AP2A2: variants seen among roughly 807,000 people sequenced by gnomAD.
The protein encoded by AP2A2 is adaptor related protein complex 2 subunit alpha 2, also known as AP-2 complex subunit alpha-2.
A neutral mutation model predicts 104.2 loss-of-function variants in AP2A2; 32 were observed. The observed-to-expected ratio is 0.31, with a 90% CI of 0.23 to 0.41. The LOEUF (loss-of-function observed/expected upper bound fraction) is 0.41. Among genes scored for constraint, AP2A2 ranks in the 10% least tolerant of loss-of-function variants. The probability of loss-of-function intolerance (pLI) is 1.00; values close to 1 mark genes in which losing one functional copy is unlikely to be tolerated. For missense variants in AP2A2, 912 were observed against 1,261.0 expected, an observed-to-expected ratio of 0.72 and a Z score of 4.19; for synonymous variants, 539 against 533.3, an observed-to-expected ratio of 1.01 and a Z score of -0.15.
intron 1 of AP2A2, among the ~76,000 whole-genome samples, chr11:934,886 T>C (rs899718597): frequency 3.3e-5 from 5 of 150,636 alleles, no homozygotes; most frequent in African/African-American, 4.9e-5. Context: ...GGAGATGGAG[T>C]CTCATTCTCT....
chr11:950,530 G>T lies in AP2A2; in HGVS notation c.68-8907G>T, dbSNP rs780117471. On this transcript the variant is annotated intron_variant, in intron 1 of 21. Transcript: ENST00000448903. ...TTGCCGTGTTGGCCAAACGCCATTCGCTTGCCTCGGCTTCCCAAAGTGCTG... is the reference window on the plus strand; with the variant it reads ...TTGCCGTGTTGGCCAAACGCCATTCTCTTGCCTCGGCTTCCCAAAGTGCTG... Among the ~76,000 whole-genome samples, 4 of 151,760 alleles carry T rather than the reference G, an allele frequency of 2.6e-5. No individual in the cohort carries two copies. In the East Asian group the frequency reaches 7.7e-4, roughly 29 times the overall value.
intron 1 of AP2A2, among the ~76,000 whole-genome samples, chr11:947,381 A>C (rs1211860936): frequency 6.6e-6 from 1 of 152,230 alleles, no homozygotes; most frequent in Non-Finnish European, 1.5e-5. Context: ...TATAACATAT[A>C]AAGGTGTGAT....
In AP2A2 at chr11:992,644, C is replaced by T. The variant is rs751648415; in HGVS notation, c.1411C>T (p.Arg471Trp). 2.4e-5 allele frequency: 38 copies of T among 1,613,772 alleles called. No homozygotes were observed. The highest frequency in any genetic ancestry group is 6.7e-5 in the Admixed American group (4 of 59,992). ...WYRVIQIVIN[R>W]DDVQGYAAKT... Reference sequence around the variant, plus strand: ...CCGAGTCATTCAGATCGTCATCAACCGGGACGACGTGCAGGGCTACGCGGC... The same window carrying T: ...CCGAGTCATTCAGATCGTCATCAACTGGGACGACGTGCAGGGCTACGCGGC... Residue 471 changes from arginine to tryptophan, a missense_variant, in exon 11 of 22, where the codon CGG (arginine) becomes TGG (tryptophan). By Grantham distance (101) the Arg-to-Trp change is moderately radical. Around this residue, in one of 7 missense-constraint regions of AP2A2, gnomAD observed 21 missense variants for 62.0 expected, o/e 0.34. Coordinates refer to ENST00000448903, the MANE Select transcript of AP2A2 (RefSeq NM_012305.4). This position sits in a 1 kb window ranked among gnomAD's most constrained non-coding sequence, Gnocchi z 6.4.
At chr11:965,536 T>C (rs1302602257) in intron 2 of AP2A2, among the ~76,000 whole-genome samples, 1 of 152,220 alleles carries the variant, frequency 6.6e-6, no homozygotes, top group Non-Finnish European at 1.5e-5. Context: ...TTCATGTCAG[T>C]CCCAACTTTG....
chr11:960,227 C>A (rs1854382188), intron 2 of AP2A2, among the ~76,000 whole-genome samples: 1 of 149,044 alleles, frequency 6.7e-6, no homozygotes, highest in Admixed American at 7.0e-5. Context: ...GAATGGATAT[C>A]CAGTAGTTTC....
Position 959,818 on chromosome 11 carries a change from C to T in AP2A2, c.136+313C>T, listed in dbSNP as rs570051066. ...GGACAGACACCAAGTACGGGAAGTG[C>T]TCTGTGTAAGGCGCCACCGAACGCC... On this transcript the variant is annotated intron_variant, in intron 2 of 21. Coordinates refer to ENST00000448903, the MANE Select transcript of AP2A2 (RefSeq NM_012305.4). Among the ~76,000 whole-genome samples the T allele has an allele frequency of 3.9e-4, 59 of 152,136 alleles. 1 individual carries two copies. Among genetic ancestry groups the T allele is most frequent in the South Asian group, 2.5e-3 (12 of 4,788 alleles).
chr11:947,800 A>T (rs1369243892), intron 1 of AP2A2, among the ~76,000 whole-genome samples: 1 of 37,802 alleles, frequency 2.6e-5, no homozygotes, highest in Non-Finnish European at 7.2e-5. Flanking sequence ...CCGTCTCTAC[A>T]AAAAAAAATT....
Position 968,795 on chromosome 11 carries a change from A to T in AP2A2, c.137-1374A>T, listed in dbSNP as rs1398336314. ...CAGATAAGTGGGTCGGGGCCGGGGG[A>T]GGGAGGAACCAGGTCGGGTCTGCTT... On this transcript the variant is annotated intron_variant, in intron 2 of 21. Transcript: ENST00000448903. This position sits in a 1 kb window ranked among gnomAD's most constrained non-coding sequence, Gnocchi z 4.2. 6.7e-6 allele frequency among the ~76,000 whole-genome samples: 1 copy of T among 149,152 alleles called. No homozygotes were observed. The highest frequency in any genetic ancestry group is 2.5e-5 in the African/African-American group (1 of 40,354).
chr11:1,011,721 G>A lies in AP2A2; in HGVS notation c.*1096G>A. The A allele has an allele frequency of 3.0e-6, 1 of 333,722 alleles. No homozygotes were observed. The highest frequency in any genetic ancestry group is 6.0e-6 in the Non-Finnish European group (1 of 167,388). 20.7% of individuals were successfully genotyped at this position (333,722 alleles called of 1,614,324 possible). A position where few individuals can be genotyped will look rare whatever the true frequency, so the allele number is the denominator to read the frequency against. ...CACCCAGCACAGGTTCTGGCTTCCT[G>A]ACATGCTGTGGAGGCAGGGAGGGTG... On this transcript the variant is annotated 3_prime_UTR_variant, in exon 22 of 22. Coordinates refer to ENST00000448903, the MANE Select transcript of AP2A2 (RefSeq NM_012305.4).
At chr11:977,350 G>A (rs1855081003) in intron 5 of AP2A2, 126 bp downstream of exon 5, 1 of 1,281,522 alleles carries the variant, frequency 7.8e-7, no homozygotes, top group Non-Finnish European at 1.1e-6. Flanking sequence ...TGCTGTGGCT[G>A]CGTGCTGAGG....
At chr11:967,926 A>G (rs1854677595) in intron 2 of AP2A2, among the ~76,000 whole-genome samples, 1 of 152,180 alleles carries the variant, frequency 6.6e-6, no homozygotes, top group Non-Finnish European at 1.5e-5. Flanking sequence ...TACTAGAATA[A>G]AAAAGTAATT....
At chr11:1,001,090 C>G (rs1385383469) in intron 15 of AP2A2, among the ~76,000 whole-genome samples, 1 of 152,238 alleles carries the variant, frequency 6.6e-6, no homozygotes, top group Non-Finnish European at 1.5e-5. Context: ...CCTGCTCACG[C>G]CTTCGGCCTC....
chr11:944,015 A>G (rs1193300186), intron 1 of AP2A2, among the ~76,000 whole-genome samples: 3 of 144,536 alleles, frequency 2.1e-5, no homozygotes, highest in East Asian at 2.1e-4. Flanking sequence ...GGCGAGAGTA[A>G]GAGAGTCCCG....
At chr11:958,570 C>CT (rs1368503096) in intron 1 of AP2A2, among the ~76,000 whole-genome samples, 1 of 152,154 alleles carries the variant, frequency 6.6e-6, no homozygotes, top group Non-Finnish European at 1.5e-5. Flanking sequence ...GTTGTAATGT[C>CT]TATCAACAGA....
intron 1 of AP2A2, among the ~76,000 whole-genome samples, chr11:949,436 A>G (rs969733478): frequency 6.6e-6 from 1 of 152,172 alleles, no homozygotes; most frequent in Non-Finnish European, 1.5e-5. Context: ...AGAAACAAGA[A>G]TCTTCAACCA....
In AP2A2 at chr11:983,446, G is replaced by C. The variant is rs543954729; in HGVS notation, c.706-1199G>C. ...CGCCCAGGCTGGAGTGCAGTGGCAC[G>C]ATCTTGGCTCACTACAAGCTCCGCC... is the stretch of plus-strand genomic sequence containing the variant. On this transcript the variant is annotated intron_variant, in intron 6 of 21. Transcript: ENST00000448903. Among the ~76,000 whole-genome samples the C allele has an allele frequency of 1.4e-3, 211 of 151,250 alleles. 1 individual carries two copies. Among genetic ancestry groups the C allele is most frequent in the Admixed American group, 2.6e-3 (39 of 15,186 alleles).
chr11:979,152 C>T (rs1357526005), intron 5 of AP2A2, among the ~76,000 whole-genome samples: 2 of 151,382 alleles, frequency 1.3e-5, no homozygotes, highest in African/African-American at 2.4e-5. Context: ...CGAGAGGCCT[C>T]TTACAGTCTC....
chr11:984,747 C>G lies in AP2A2; in HGVS notation c.808C>G (p.Pro270Ala). ...KLLRLLQCYPPPDPAVRGRLT... is the reference protein window; with the variant it reads ...KLLRLLQCYPAPDPAVRGRLT... Reference sequence around the variant, plus strand: ...GCTGAGACTGCTGCAGTGCTACCCACCCCCAGGTAACGCGCAGGCCGCGGC... The same window carrying G: ...GCTGAGACTGCTGCAGTGCTACCCAGCCCCAGGTAACGCGCAGGCCGCGGC... Residue 270 changes from proline (P) to alanine (A), a missense_variant, in exon 7 of 22, where the codon CCC becomes GCC. By Grantham distance (27) the Pro-to-Ala change is conservative. Around this residue, in one of 7 missense-constraint regions of AP2A2, gnomAD observed 350 missense variants for 487.0 expected, o/e 0.72. Coordinates refer to ENST00000448903, the MANE Select transcript of AP2A2 (RefSeq NM_012305.4). 6.2e-7 allele frequency: 1 copy of G among 1,609,340 alleles called. No individual in the cohort carries two copies. Among genetic ancestry groups the G allele is most frequent in the Non-Finnish European group, 8.5e-7 (1 of 1,176,782 alleles).
At chr11:1,000,632 C>T (rs779308793) in intron 15 of AP2A2, 34 bp downstream of exon 15, 35 of 1,524,884 alleles carry the variant, frequency 2.3e-5, no homozygotes, top group South Asian at 1.3e-4. Context: ...CAGACAGGCA[C>T]GGGGCTGCCG....
Sources: allele counts gnomAD v4.1 joint callset (sites outside exome capture counted in the v4.1 genomes callset), GRCh38; gene constraint gnomAD v4.1.1; regional missense constraint gnomAD v4.1.1; non-coding constraint Gnocchi (gnomAD v3.1); transcripts MANE v1.5; gene names NCBI Gene and HGNC (gene_info 2026-07-23, HGNC 2026-07-21).